Variants in EDNRB observed in about 807,000 individuals in gnomAD.
EDNRB encodes the protein Hirschsprung disease 2.
In EDNRB, 18 loss-of-function variants were observed where a neutral mutation model predicts 46.4. That is an observed-to-expected ratio of 0.39 (90% CI 0.27 to 0.57). The LOEUF is 0.57. Among genes scored for constraint, EDNRB ranks in the 20% least tolerant of loss-of-function variants. EDNRB has a pLI of 0.61. For synonymous variants in EDNRB, 213 were observed against 204.9 expected (o/e 1.04, Z -0.34); for missense variants, 434 against 537.5 (o/e 0.81, Z 1.90).
At chr13:77,933,120 A>G (rs1394585232) in intron 1 of EDNRB, among the ~76,000 whole-genome samples, 1 of 152,244 alleles carries the variant, frequency 6.6e-6, no homozygotes, top group African/African-American at 2.4e-5. Flanking sequence ...CAATTCTAAG[A>G]TACTAGCAAC....
At chr13:77,901,440 G>A (rs1795445583) in intron 3 of EDNRB, among the ~76,000 whole-genome samples, 1 of 151,962 alleles carries the variant, frequency 6.6e-6, no homozygotes, top group African/African-American at 2.4e-5. Flanking sequence ...TGTGTTATAA[G>A]CATGCACAAA....
upstream of EDNRB, among the ~76,000 whole-genome samples, chr13:77,921,043 T>C (rs1248838650): frequency 6.6e-6 from 1 of 152,164 alleles, no homozygotes; most frequent in African/African-American, 2.4e-5. Flanking sequence ...CTCTTTACTT[T>C]TCTTGGAGCA....
chr13:77,914,686 C>G (rs1176726195), intron 1 of EDNRB, among the ~76,000 whole-genome samples: 2 of 152,210 alleles, frequency 1.3e-5, no homozygotes, highest in Non-Finnish European at 2.9e-5. Context: ...TGGTATGATT[C>G]TTCCTAAAAG....
rs187794634 is a variant in EDNRB, at chr13:77,934,437, T to C, written c.-51-15813A>G. On this transcript the variant is annotated intron_variant, in intron 1 of 7. Transcript: ENST00000646948. ...AAAACTGCTTGGCTGATTTGACTAA[T>C]AAAAGCCGGTCTGCTATTAGACTGT... is the stretch of plus-strand genomic sequence containing the variant. Among the ~76,000 whole-genome samples the C allele has an allele frequency of 7.9e-5, 12 of 152,220 alleles. No individual in the cohort carries two copies. In the East Asian group the frequency reaches 2.1e-3, roughly 27 times the overall value.
intron 1 of EDNRB, among the ~76,000 whole-genome samples, chr13:77,974,380 C>G (rs12720119): frequency 1.3e-5 from 2 of 152,238 alleles, no homozygotes; most frequent in East Asian, 3.9e-4. Context: ...GGGCCATCCA[C>G]GGGCTACTGG....
intron 1 of EDNRB, among the ~76,000 whole-genome samples, chr13:77,913,559 C>T (rs1879679567): frequency 6.6e-6 from 1 of 152,128 alleles, no homozygotes. Context: ...TATTTGAGAG[C>T]TAACTTCTTT....
intron 1 of EDNRB, among the ~76,000 whole-genome samples, chr13:77,929,897 C>G (rs1051467130): frequency 1.3e-5 from 2 of 152,240 alleles, no homozygotes; most frequent in South Asian, 4.1e-4. Context: ...CAGTATAGTG[C>G]GTGGAATACA....
chr13:77,931,776 A>AAAAAAAAAAC (rs1566324494), intron 1 of EDNRB, among the ~76,000 whole-genome samples: 2 of 102,886 alleles, frequency 1.9e-5, no homozygotes, highest in African/African-American at 7.0e-5. Context: ...AAAAAAAAAC[A>AAAAAAAAAAC]AAAAAAACCT....
chr13:77,901,097 T>G lies in EDNRB; in HGVS notation c.912A>C (p.Lys304Asn), dbSNP rs749996130. The change falls in exon 4 of 7, where the codon AAA (lysine) becomes AAC (asparagine). Residue 304 changes from lysine to asparagine, a missense_variant. Transcript: ENST00000646607. ...TLMTCEMLRK[K>N]SGMQIALNDH... ...CATTTAAAGCAATCTGCATGCCACTTTTCTTTCTCAACATTTCACAGGTCA... is the reference window on the plus strand; with the variant it reads ...CATTTAAAGCAATCTGCATGCCACTGTTCTTTCTCAACATTTCACAGGTCA... The G allele has an allele frequency of 6.2e-7, 1 of 1,611,414 alleles. No homozygotes were observed. The highest frequency in any genetic ancestry group is 8.5e-7 in the Non-Finnish European group (1 of 1,178,436).
At chr13:77,917,049 G>A (rs1029068944) in intron 1 of EDNRB, among the ~76,000 whole-genome samples, 1 of 152,058 alleles carries the variant, frequency 6.6e-6, no homozygotes, top group African/African-American at 2.4e-5. Flanking sequence ...CTGGCTCTTT[G>A]TGTGTTTCTA....
Position 77,896,354 on chromosome 13 carries a change from G to T in EDNRB, c.*1846C>A, listed in dbSNP as rs200008387. 2 of 1,380,654 alleles carry T rather than the reference G, an allele frequency of 1.4e-6. No individual in the cohort carries two copies. The highest frequency in any genetic ancestry group is 1.9e-6 in the Non-Finnish European group (2 of 1,045,510). 85.5% of individuals were successfully genotyped at this position (1,380,654 alleles called of 1,614,324 possible). ...ATTGAGAGTCTAAAATGACTTCTAT[G>T]ATAACAGGCCTCTGAAAAAGTGATT... On this transcript the variant is annotated 3_prime_UTR_variant, in exon 7 of 7. Coordinates refer to ENST00000646607, the MANE Select transcript of EDNRB (RefSeq NM_001122659.3).
At chr13:77,972,376 G>GT (rs1295177721) in intron 1 of EDNRB, among the ~76,000 whole-genome samples, 2 of 152,208 alleles carry the variant, frequency 1.3e-5, no homozygotes, top group Non-Finnish European at 2.9e-5. Flanking sequence ...AATTGCTAAA[G>GT]TTTGTTTTAA....
rs371558629 is a variant in EDNRB at position 77,918,157 on chromosome 13, C to G, written c.417G>C (p.Leu139Phe). ...GGTCTCCCAGAGCCAAGCTGGCGAT[C>G]AAGATATTGGGACCGTTTCGCATGC... ...NKCMRNGPNI[L>F]IASLALGDLL... The change falls in exon 1 of 7, where the codon TTG becomes TTC. Residue 139 changes from leucine to phenylalanine, a missense_variant. Physicochemically the swap from Leu to Phe is conservative, Grantham distance 22. Transcript: ENST00000646607. This position sits in a 1 kb window ranked among gnomAD's most constrained non-coding sequence, Gnocchi z 4.5. 2 of 1,614,056 alleles carry G rather than the reference C, an allele frequency of 1.2e-6. No individual in the cohort carries two copies. Among genetic ancestry groups the G allele is most frequent in the East Asian group, 4.5e-5 (2 of 44,884 alleles).
upstream of EDNRB, among the ~76,000 whole-genome samples, chr13:77,922,521 G>A (rs1412763388): frequency 3.3e-5 from 5 of 152,164 alleles, no homozygotes; most frequent in African/African-American, 9.6e-5. Flanking sequence ...GACAAGGTGT[G>A]CGAAAAACAC....
chr13:77,937,718 C>G (rs1263152016), intron 1 of EDNRB, among the ~76,000 whole-genome samples: 2 of 151,848 alleles, frequency 1.3e-5, no homozygotes, highest in Admixed American at 1.3e-4. Context: ...GGTGGAGGAG[C>G]AGAAGCTGAG....
At chr13:77,922,580 T>A (rs1880117498), upstream of EDNRB, among the ~76,000 whole-genome samples, 1 of 152,168 alleles carries the variant, frequency 6.6e-6, no homozygotes, top group Non-Finnish European at 1.5e-5. Context: ...TGGGACCAGA[T>A]TCAATGATCA....
chr13:77,924,591 T>C (rs1316403987), upstream of EDNRB, among the ~76,000 whole-genome samples: 2 of 152,236 alleles, frequency 1.3e-5, no homozygotes, highest in Admixed American at 6.5e-5. Flanking sequence ...AAGTGTACAC[T>C]TCAATTGTGT....
intron 1 of EDNRB, among the ~76,000 whole-genome samples, chr13:77,927,882 T>A (rs1880281529): frequency 6.6e-6 from 1 of 152,172 alleles, no homozygotes; most frequent in African/African-American, 2.4e-5. Flanking sequence ...AATTGAATCA[T>A]GGGGGTGAGT....
intron 1 of EDNRB, among the ~76,000 whole-genome samples, chr13:77,929,153 C>T (rs1288468736): frequency 6.6e-6 from 1 of 152,130 alleles, no homozygotes; most frequent in African/African-American, 2.4e-5. Context: ...AATAATCACT[C>T]AAAGGTCTCA....
Sources: allele counts gnomAD v4.1 joint callset (sites outside exome capture counted in the v4.1 genomes callset), GRCh38; gene constraint gnomAD v4.1.1; non-coding constraint Gnocchi (gnomAD v3.1); transcripts MANE v1.5; gene names NCBI Gene and HGNC (gene_info 2026-07-23, HGNC 2026-07-21).